Variants in CBLB observed in about 807,000 individuals in gnomAD.
CBLB encodes E3 ubiquitin-protein ligase CBL-B.
A neutral mutation model predicts 104.9 loss-of-function variants in CBLB; 31 were observed. The observed-to-expected ratio is 0.30, with a 90% confidence interval of 0.22 to 0.40. CBLB has a LOEUF of 0.40. CBLB is among the 10% of genes least tolerant of loss of function. The pLI, the probability that CBLB is intolerant of heterozygous loss-of-function variation, is 1.00. For missense variants in CBLB, 1,062 were observed against 1,214.6 expected (o/e 0.87, Z 1.87); for synonymous variants, 440 against 422.6 (o/e 1.04, Z -0.51).
intron 10 of CBLB, among the ~76,000 whole-genome samples, chr3:105,704,549 T>G (rs1248330438): frequency 6.6e-6 from 1 of 152,188 alleles, no homozygotes; most frequent in Non-Finnish European, 1.5e-5. Flanking sequence ...ATAAATTTTT[T>G]TGCTCGAGCT....
At chr3:105,865,120 T>C (rs1216644810) in intron 2 of CBLB, among the ~76,000 whole-genome samples, 1 of 152,182 alleles carries the variant, frequency 6.6e-6, no homozygotes, top group Non-Finnish European at 1.5e-5. Flanking sequence ...AATAATAAAG[T>C]TCCTGATGTA....
At chr3:105,805,606 G>A (rs771644880) in intron 3 of CBLB, among the ~76,000 whole-genome samples, 9 of 151,912 alleles carry the variant, frequency 5.9e-5, no homozygotes, top group South Asian at 2.1e-4. Flanking sequence ...CCACCCAGCC[G>A]ATGACTCAAA....
intron 2 of CBLB, among the ~76,000 whole-genome samples, chr3:105,863,211 T>C (rs546415595): frequency 6.6e-6 from 1 of 152,334 alleles, no homozygotes; most frequent in East Asian, 1.9e-4. Flanking sequence ...ATGATTCCTT[T>C]AAATCTTTCA....
chr3:105,708,225 T>C (rs907996776), intron 10 of CBLB, among the ~76,000 whole-genome samples: 6 of 152,192 alleles, frequency 3.9e-5, no homozygotes, highest in Admixed American at 6.6e-5. Context: ...AAGGGAGCTG[T>C]TGGGGTAAAA....
chr3:105,824,626 T>C (rs1329239547), intron 3 of CBLB, among the ~76,000 whole-genome samples: 1 of 152,078 alleles, frequency 6.6e-6, no homozygotes, highest in African/African-American at 2.4e-5. Context: ...ACATAACCCA[T>C]TCCTATTCAC....
intron 10 of CBLB, among the ~76,000 whole-genome samples, chr3:105,714,997 T>C: frequency 6.6e-6 from 1 of 152,254 alleles, no homozygotes; most frequent in East Asian, 1.9e-4. Flanking sequence ...CATTCACTAG[T>C]TCAGTCTGTC....
At chr3:105,677,350 T>TA (rs59169680) in intron 17 of CBLB, among the ~76,000 whole-genome samples, 2,267 of 108,704 alleles carry the variant, frequency 0.021, 16 homozygotes, top group Non-Finnish European at 0.024. Flanking sequence ...TCAAACCAAG[T>TA]AAAAAAAAAA....
intron 2 of CBLB, among the ~76,000 whole-genome samples, chr3:105,866,000 A>G (rs9880193): frequency 0.015 from 2,314 of 152,304 alleles, 50 homozygotes; most frequent in African/African-American, 0.053. Context: ...CTTATTCTAA[A>G]GTATCCAATG....
At chr3:105,853,270 C>G in intron 3 of CBLB, 144 bp downstream of exon 3, 1 of 791,764 alleles carries the variant, frequency 1.3e-6, no homozygotes, top group Admixed American at 1.9e-5. Context: ...TGTAAAGTAT[C>G]CCCATCGTTA....
At chr3:105,735,434 A>T (rs1219454909) in intron 8 of CBLB, among the ~76,000 whole-genome samples, 1 of 152,152 alleles carries the variant, frequency 6.6e-6, no homozygotes, top group East Asian at 1.9e-4. Context: ...ATGCAATTAT[A>T]AAAAAAATTA....
chr3:105,701,640 G>A (rs1216882808), intron 12 of CBLB, among the ~76,000 whole-genome samples: 4 of 152,066 alleles, frequency 2.6e-5, no homozygotes, highest in African/African-American at 4.8e-5. Context: ...GCAGGTGCCT[G>A]CAATCCCAGC....
At chr3:105,816,762 T>C (rs1170391536) in intron 3 of CBLB, among the ~76,000 whole-genome samples, 1 of 152,120 alleles carries the variant, frequency 6.6e-6, no homozygotes. Context: ...AAATCAATCA[T>C]CAACTTTACT....
intron 2 of CBLB, among the ~76,000 whole-genome samples, chr3:105,857,674 TTTTA>T (rs2091744188): frequency 6.6e-6 from 1 of 152,216 alleles, no homozygotes; most frequent in Non-Finnish European, 1.5e-5. Context: ...TCATTTACAT[TTTTA>T]TTTTATTCCA....
At chr3:105,803,084 A>C (rs2083083512) in intron 3 of CBLB, among the ~76,000 whole-genome samples, 1 of 152,144 alleles carries the variant, frequency 6.6e-6, no homozygotes. Flanking sequence ...TATAAATAGC[A>C]CTCATGCATA....
chr3:105,679,084 T>G (rs988897525), intron 16 of CBLB, among the ~76,000 whole-genome samples: 1 of 152,266 alleles, frequency 6.6e-6, no homozygotes, highest in African/African-American at 2.4e-5. Context: ...ACCTAATGTT[T>G]CATATATTTG....
At chr3:105,768,790 G>T (rs551179670) in intron 4 of CBLB, among the ~76,000 whole-genome samples, 1 of 152,234 alleles carries the variant, frequency 6.6e-6, no homozygotes, top group East Asian at 1.9e-4. Context: ...ACGTAGAAGG[G>T]TGTATATGAA....
At position 105,867,543 on chromosome 3, in the gene CBLB, C is replaced by T; in HGVS notation, c.35G>A (p.Gly12Asp). 1 of 1,614,152 alleles carries T rather than the reference C, an allele frequency of 6.2e-7. No homozygotes were observed. Among genetic ancestry groups the T allele is most frequent in the Non-Finnish European group, 8.5e-7 (1 of 1,180,016 alleles). Residue 12 changes from glycine to aspartate, a missense_variant, in exon 2 of 19, where the codon GGT (glycine) becomes GAT (aspartate). Gly to Asp is a moderately conservative substitution (Grantham distance 94). Transcript: ENST00000394030. ...ACCTTTTCGGGGATTTCCTCCTCGA[C>T]CACCAGGGTTTCTGCCATTCATTGA... ...ANSMNGRNPG[G>D]RGGNPRKGRI...
intron 18 of CBLB, among the ~76,000 whole-genome samples, chr3:105,667,996 ATGTAAAATAAACTAG>A (rs1472811728): frequency 6.6e-6 from 1 of 152,232 alleles, no homozygotes; most frequent in Admixed American, 6.5e-5. Context: ...CTCTCTGCTG[ATGTAAAATAAACTAG>A]TGAACAGCCT....
chr3:105,827,361 C>T (rs2086749617), intron 3 of CBLB, among the ~76,000 whole-genome samples: 2 of 152,052 alleles, frequency 1.3e-5, no homozygotes, highest in African/African-American at 2.4e-5. Flanking sequence ...AGTTGGTTCC[C>T]ATAACACTCA....
Sources: allele counts gnomAD v4.1 joint callset (sites outside exome capture counted in the v4.1 genomes callset), GRCh38; gene constraint gnomAD v4.1.1; transcripts MANE v1.5; gene names NCBI Gene and HGNC (gene_info 2026-07-23, HGNC 2026-07-21).